Variants in MAGI1 observed in about 807,000 individuals in gnomAD.
MAGI1 encodes the protein membrane associated guanylate kinase, WW and PDZ domain containing 1, also known as membrane-associated guanylate kinase, WW and PDZ domain-containing protein 1.
A neutral mutation model predicts 139.9 loss-of-function variants in MAGI1; 58 were observed. The ratio of observed to expected loss-of-function variants is 0.41; its 90% CI spans 0.34 to 0.52. MAGI1 has a LOEUF of 0.52. Among genes scored for constraint, MAGI1 ranks in the 20% least tolerant of loss-of-function variants. The probability of loss-of-function intolerance (pLI) is 0.12; values close to 1 mark genes in which losing one functional copy is unlikely to be tolerated. For missense variants in MAGI1, 1,874 were observed against 1,901.6 expected (o/e 0.99, Z 0.27); for synonymous variants, 812 against 737.9 (o/e 1.10, Z -1.63).
intron 1 of MAGI1, among the ~76,000 whole-genome samples, chr3:65,890,991 T>C (rs1291551865): frequency 2.0e-5 from 3 of 152,176 alleles, no homozygotes; most frequent in East Asian, 3.9e-4. Context: ...GGCAGGAGGA[T>C]TGCTTGAGGC....
chr3:65,435,930 A>G (rs1382370959), intron 10 of MAGI1, among the ~76,000 whole-genome samples: 4 of 152,154 alleles, frequency 2.6e-5, no homozygotes, highest in Non-Finnish European at 4.4e-5. Flanking sequence ...ACTTACTGTG[A>G]GAGAGGGGAA....
intron 16 of MAGI1, chr3:65,380,923 A>G (rs1345575564): frequency 6.6e-6 from 1 of 150,664 alleles, no homozygotes; most frequent in African/African-American, 2.4e-5. Context: ...AATGGGTTAT[A>G]CTCTTTTTTT....
chr3:65,371,247 C>T (rs904293987), intron 18 of MAGI1, among the ~76,000 whole-genome samples: 3 of 152,154 alleles, frequency 2.0e-5, no homozygotes, highest in African/African-American at 4.8e-5. Flanking sequence ...GGAGATATCA[C>T]GGGTTCAGTT....
At chr3:65,794,689 C>A (rs169059) in intron 1 of MAGI1, among the ~76,000 whole-genome samples, 21,353 of 151,996 alleles carry the variant, frequency 0.14, 1,849 homozygotes, top group East Asian at 0.34. Flanking sequence ...TATCCCTCCA[C>A]CCTGCTGTCC....
chr3:65,773,667 A>T (rs2038140732), intron 1 of MAGI1, among the ~76,000 whole-genome samples: 1 of 152,194 alleles, frequency 6.6e-6, no homozygotes, highest in African/African-American at 2.4e-5. Flanking sequence ...TCTAAGTTAC[A>T]GTCTCCTTGT....
Position 65,594,096 on chromosome 3 carries a change from A to G in MAGI1, c.430+27876T>C, listed in dbSNP as rs186405642. Among the ~76,000 whole-genome samples the G allele has an allele frequency of 6.1e-4, 93 of 152,296 alleles. No homozygotes were observed. The East Asian group carries it at 0.016, about 26-fold the overall frequency. Reference sequence around the variant, plus strand: ...AATCTGGCCACCTATCAAAACTTTAAGGATGTCAACCGCCATGGATGAAGA... The same window carrying G: ...AATCTGGCCACCTATCAAAACTTTAGGGATGTCAACCGCCATGGATGAAGA... On this transcript the variant is annotated intron_variant, in intron 2 of 22. Transcript: ENST00000402939.
chr3:65,859,175 A>C (rs2059464200), intron 1 of MAGI1, among the ~76,000 whole-genome samples: 1 of 152,138 alleles, frequency 6.6e-6, no homozygotes, highest in Non-Finnish European at 1.5e-5. Flanking sequence ...TCTACTAAAA[A>C]TACAAAAACT....
At chr3:65,587,470 T>C (rs1170959090) in intron 2 of MAGI1, among the ~76,000 whole-genome samples, 1 of 150,196 alleles carries the variant, frequency 6.7e-6, no homozygotes, top group Non-Finnish European at 1.5e-5. Context: ...ATTTTATTAT[T>C]ACTTTTTTCT....
chr3:65,356,395 T>TGCTACATTCTTTGTAAGGTCGCC lies in MAGI1; in HGVS notation c.4349_4371dup (p.Thr1458GlyfsTer35). 6.3e-7 allele frequency: 1 copy of TGCTACATTCTTTGTAAGGTCGCC among 1,598,200 alleles called. No homozygotes were observed. The highest frequency in any genetic ancestry group is 8.5e-7 in the Non-Finnish European group (1 of 1,174,672). On this transcript the variant is annotated frameshift_variant, in exon 23 of 23. Coordinates refer to ENST00000402939, the MANE Select transcript of MAGI1 (RefSeq NM_001033057.2). LOFTEE classifies it high-confidence loss of function. ...TCAGCGTCTCAGATACTGAGGTCGG[T>TGCTACATTCTTTGTAAGGTCGCC]GCTACATTCTTTGTAAGGTCGCCTT...
chr3:65,722,902 G>A (rs1010808001), intron 1 of MAGI1, among the ~76,000 whole-genome samples: 4 of 151,820 alleles, frequency 2.6e-5, no homozygotes, highest in African/African-American at 9.7e-5. Flanking sequence ...GGGAGGGGTG[G>A]AGGGGCTGGA....
chr3:65,923,710 C>T (rs950557847), intron 1 of MAGI1, among the ~76,000 whole-genome samples: 4 of 152,098 alleles, frequency 2.6e-5, no homozygotes, highest in African/African-American at 4.8e-5. Flanking sequence ...ATTAAGGCTG[C>T]TATGGGAGAT....
chr3:65,692,625 T>C (rs773170005), intron 1 of MAGI1, among the ~76,000 whole-genome samples: 2 of 152,172 alleles, frequency 1.3e-5, no homozygotes, highest in Admixed American at 6.5e-5. Context: ...ATTCATGTAC[T>C]GGAATCTTGT....
At chr3:65,585,474 A>C (rs1454528124) in intron 2 of MAGI1, among the ~76,000 whole-genome samples, 1 of 152,244 alleles carries the variant, frequency 6.6e-6, no homozygotes, top group Non-Finnish European at 1.5e-5. Flanking sequence ...AAATGTCACC[A>C]CACTGCTAGA....
intron 1 of MAGI1, among the ~76,000 whole-genome samples, chr3:65,737,004 T>C (rs1312572863): frequency 8.0e-6 from 1 of 124,904 alleles, no homozygotes; most frequent in Admixed American, 7.5e-5. Context: ...GCATCAAGAC[T>C]TTTTTTTTTT....
rs185442910 is a variant in MAGI1 at position 65,778,777 on chromosome 3, T to A, written c.314-156689A>T. On this transcript the variant is annotated intron_variant, in intron 1 of 22. Coordinates refer to ENST00000402939, the MANE Select transcript of MAGI1 (RefSeq NM_001033057.2). ...GCCAGTCAAAATGTGTCTTCACTTT[T>A]AATGACTTTTAAAAAGACAACTCGC... 3.3e-5 allele frequency among the ~76,000 whole-genome samples: 5 copies of A among 152,360 alleles called. No individual in the cohort carries two copies. The East Asian group carries it at 9.7e-4, about 29-fold the overall frequency.
intron 1 of MAGI1, among the ~76,000 whole-genome samples, chr3:65,875,360 T>G (rs1214092007): frequency 6.6e-6 from 1 of 152,226 alleles, no homozygotes; most frequent in African/African-American, 2.4e-5. Flanking sequence ...GTTGTAAACT[T>G]TAAATGAGTG....
At chr3:65,630,942 T>A (rs2084261588) in intron 1 of MAGI1, among the ~76,000 whole-genome samples, 1 of 152,276 alleles carries the variant, frequency 6.6e-6, no homozygotes. Context: ...CATTTTATTC[T>A]ACGTGTGTAA....
intron 1 of MAGI1, among the ~76,000 whole-genome samples, chr3:65,733,161 C>G (rs750400057): frequency 6.6e-6 from 1 of 152,108 alleles, no homozygotes; most frequent in Non-Finnish European, 1.5e-5. Flanking sequence ...TGGGTTCAAG[C>G]AATTCTCCTG....
chr3:65,716,011 C>T (rs866119843), intron 1 of MAGI1, among the ~76,000 whole-genome samples: 1 of 152,092 alleles, frequency 6.6e-6, no homozygotes, highest in Admixed American at 6.6e-5. Flanking sequence ...CAAAGGTATC[C>T]GAGACTCAGT....
Sources: gnomAD v4.1 joint callset for allele counts (sites outside exome capture counted in the v4.1 genomes callset) on GRCh38, gnomAD v4.1.1 for gene constraint, MANE v1.5 for transcripts, NCBI Gene and HGNC (gene_info 2026-07-23, HGNC 2026-07-21) for gene names.